Variants in CTNNA2 observed in about 807,000 individuals in gnomAD.
CTNNA2 encodes catenin alpha 2.
In CTNNA2, 42 loss-of-function variants were observed where a neutral mutation model predicts 101.0. The observed-to-expected ratio is 0.42, with a 90% CI of 0.32 to 0.54. CTNNA2 has a LOEUF of 0.54. Ranked by LOEUF, CTNNA2 falls within the 20% of genes least tolerant of loss-of-function variation. CTNNA2 has a pLI of 0.14. For missense variants in CTNNA2, 871 were observed against 1,223.1 expected, an observed-to-expected ratio of 0.71 and a Z score of 4.29; for synonymous variants, 450 against 456.4, an observed-to-expected ratio of 0.99 and a Z score of 0.18.
intron 2 of CTNNA2, among the ~76,000 whole-genome samples, chr2:79,308,338 G>A (rs962483656): frequency 1.3e-5 from 2 of 152,076 alleles, no homozygotes; most frequent in African/African-American, 2.4e-5. Context: ...GAGCCACAGC[G>A]CCCAGCCCAT....
At chr2:79,254,600 G>A (rs1303182566) in intron 2 of CTNNA2, among the ~76,000 whole-genome samples, 5 of 152,158 alleles carry the variant, frequency 3.3e-5, no homozygotes, top group African/African-American at 1.2e-4. Flanking sequence ...ACTGTGAGTC[G>A]ATTAAACCTC....
At position 79,737,109 on chromosome 2, in the gene CTNNA2, A is replaced by AAG. The variant is rs1670936249; in HGVS notation, c.103-7278_103-7277insAG. ...ATGCCAGTAATCCCAGCTCTTTGGGAGGCAGAGGCAGGCGGATCACCTGAG... is the reference window on the plus strand; with the variant it reads ...ATGCCAGTAATCCCAGCTCTTTGGGAAGGGCAGAGGCAGGCGGATCACCTGAG... On this transcript the variant is annotated intron_variant, in intron 2 of 18. Coordinates refer to ENST00000402739, the MANE Select transcript of CTNNA2 (RefSeq NM_001282597.3). Among the ~76,000 whole-genome samples the AAG allele has an allele frequency of 6.6e-5, 10 of 152,280 alleles. No individual in the cohort carries two copies. The South Asian group carries it at 1.9e-3, about 28-fold the overall frequency.
chr2:79,858,789 A>T (rs1375060800), intron 4 of CTNNA2, among the ~76,000 whole-genome samples: 2 of 152,062 alleles, frequency 1.3e-5, no homozygotes, highest in East Asian at 3.9e-4. Context: ...TGTCCCACTA[A>T]CCCATAGAAC....
At chr2:79,453,767 C>G (rs1670781781) in intron 4 of CTNNA2, among the ~76,000 whole-genome samples, 1 of 152,086 alleles carries the variant, frequency 6.6e-6, no homozygotes, top group Admixed American at 6.6e-5. Context: ...AATGCTATAA[C>G]TGAAATAATT....
At chr2:79,246,875 A>G (rs189035271) in intron 2 of CTNNA2, among the ~76,000 whole-genome samples, 1 of 152,352 alleles carries the variant, frequency 6.6e-6, no homozygotes, top group Admixed American at 6.5e-5. Flanking sequence ...GAAGTAGAGG[A>G]TGTACAATAA....
intron 6 of CTNNA2, among the ~76,000 whole-genome samples, chr2:79,899,102 A>C (rs1684905830): frequency 6.6e-6 from 1 of 152,154 alleles, no homozygotes; most frequent in Admixed American, 6.5e-5. Flanking sequence ...ACAGAGCTCA[A>C]AGAGGATGAA....
intron 4 of CTNNA2, among the ~76,000 whole-genome samples, chr2:79,481,506 C>T (rs1435319900): frequency 1.3e-5 from 2 of 152,114 alleles, no homozygotes; most frequent in African/African-American, 4.8e-5. Context: ...GTTTACAATA[C>T]TGTAATGTGT....
At chr2:80,566,019 T>C (rs2149684585) in intron 12 of CTNNA2, among the ~76,000 whole-genome samples, 1 of 152,278 alleles carries the variant, frequency 6.6e-6, no homozygotes, top group Middle Eastern at 3.4e-3. Context: ...GTTGCTACAA[T>C]TAAACAGAAA....
At chr2:79,992,530 T>C (rs1692254163) in intron 7 of CTNNA2, among the ~76,000 whole-genome samples, 1 of 152,190 alleles carries the variant, frequency 6.6e-6, no homozygotes, top group Non-Finnish European at 1.5e-5. Context: ...CTTAGTTTAA[T>C]AAAATCTGCA....
intron 7 of CTNNA2, among the ~76,000 whole-genome samples, chr2:80,223,020 A>C (rs1558917922): frequency 6.6e-6 from 1 of 152,160 alleles, no homozygotes; most frequent in Non-Finnish European, 1.5e-5. Context: ...AATCTCAGTA[A>C]TTGATTGTAC....
chr2:79,801,751 G>T (rs1676174638), intron 3 of CTNNA2, among the ~76,000 whole-genome samples: 1 of 152,062 alleles, frequency 6.6e-6, no homozygotes, highest in South Asian at 2.1e-4. Context: ...CAGCACTTTG[G>T]GAGGCCAAGG....
intron 7 of CTNNA2, among the ~76,000 whole-genome samples, chr2:80,198,656 A>T (rs2149010993): frequency 6.6e-6 from 1 of 152,318 alleles, no homozygotes; most frequent in East Asian, 1.9e-4. Flanking sequence ...AAGACAGAAC[A>T]GTATATTCTC....
intron 7 of CTNNA2, among the ~76,000 whole-genome samples, chr2:80,209,566 C>T (rs1051022170): frequency 2.0e-5 from 3 of 151,974 alleles, no homozygotes; most frequent in African/African-American, 7.3e-5. Flanking sequence ...CTCTTATGAA[C>T]ATTTTTGTCA....
chr2:79,366,446 T>C (rs544130003), intron 3 of CTNNA2, among the ~76,000 whole-genome samples: 5 of 152,330 alleles, frequency 3.3e-5, no homozygotes, highest in Admixed American at 6.5e-5. Flanking sequence ...AATTATGTTC[T>C]CTTTTTGAGT....
intron 2 of CTNNA2, among the ~76,000 whole-genome samples, chr2:79,689,492 C>A (rs1684149443): frequency 6.6e-6 from 1 of 151,908 alleles, no homozygotes; most frequent in Non-Finnish European, 1.5e-5. Context: ...CTTCTCACAG[C>A]AAAGAAAATT....
At chr2:80,142,418 A>T (rs1487590977) in intron 7 of CTNNA2, among the ~76,000 whole-genome samples, 2 of 152,158 alleles carry the variant, frequency 1.3e-5, no homozygotes, top group Non-Finnish European at 2.9e-5. Flanking sequence ...TGGTTTGATA[A>T]CACCAGCAAG....
chr2:79,774,010 C>T (rs1329594161), intron 3 of CTNNA2, among the ~76,000 whole-genome samples: 3 of 152,118 alleles, frequency 2.0e-5, no homozygotes, highest in Admixed American at 2.0e-4. Flanking sequence ...TGATCTTTTG[C>T]AATGTGGCTT....
intron 4 of CTNNA2, among the ~76,000 whole-genome samples, chr2:79,464,868 A>G (rs1285165380): frequency 1.3e-5 from 2 of 151,622 alleles, no homozygotes; most frequent in African/African-American, 2.4e-5. Flanking sequence ...AGTTCTTTGT[A>G]GATTCTGGAT....
At chr2:80,281,156 C>T (rs1375557939) in intron 7 of CTNNA2, among the ~76,000 whole-genome samples, 2 of 152,140 alleles carry the variant, frequency 1.3e-5, no homozygotes, top group Non-Finnish European at 2.9e-5. Flanking sequence ...CAGAGATTAA[C>T]TACACACAAA....
Sources: allele counts gnomAD v4.1 joint callset (sites outside exome capture counted in the v4.1 genomes callset), GRCh38; gene constraint gnomAD v4.1.1; transcripts MANE v1.5; gene names NCBI Gene and HGNC (gene_info 2026-07-23, HGNC 2026-07-21).